Variants in ZFPM2 observed in about 807,000 individuals in gnomAD.
The protein encoded by ZFPM2 is zinc finger protein ZFPM2.
In ZFPM2, 20 loss-of-function variants were observed where a neutral mutation model predicts 98.6. The ratio of observed to expected loss-of-function variants is 0.20; its 90% CI spans 0.14 to 0.29. The LOEUF (loss-of-function observed/expected upper bound fraction) is 0.29, where lower values mean the gene tolerates loss of function less well. Ranked by LOEUF, ZFPM2 falls within the 10% of genes least tolerant of loss-of-function variation. ZFPM2 has a pLI of 1.00. For synonymous variants in ZFPM2, 518 were observed against 502.7 expected (o/e 1.03, Z -0.41); for missense variants, 1,310 against 1,388.6 (o/e 0.94, Z 0.90).
chr8:105,503,797 A>G (rs1461128833), intron 3 of ZFPM2, among the ~76,000 whole-genome samples: 2 of 152,228 alleles, frequency 1.3e-5, no homozygotes, highest in Non-Finnish European at 2.9e-5. Context: ...TATGTGGTAG[A>G]GGAGGAAAAG....
At chr8:105,349,356 G>C (rs572255633) in intron 1 of ZFPM2, among the ~76,000 whole-genome samples, 1 of 152,152 alleles carries the variant, frequency 6.6e-6, no homozygotes, top group Non-Finnish European at 1.5e-5. Flanking sequence ...GAGGGCCCGA[G>C]TAATGTGGTC....
chr8:105,694,439 C>A (rs528683171), intron 5 of ZFPM2, among the ~76,000 whole-genome samples: 1 of 152,098 alleles, frequency 6.6e-6, no homozygotes, highest in South Asian at 2.1e-4. Flanking sequence ...GCTAATTTTT[C>A]TTGAATCATT....
chr8:105,713,958 A>G lies in ZFPM2; in HGVS notation c.533-74760A>G, dbSNP rs202207635. Among the ~76,000 whole-genome samples the G allele has an allele frequency of 3.9e-5, 6 of 152,126 alleles. No homozygotes were observed. In the East Asian group the frequency reaches 1.2e-3, roughly 29 times the overall value. On this transcript the variant is annotated intron_variant, in intron 5 of 7. Coordinates refer to ENST00000407775, the MANE Select transcript of ZFPM2 (RefSeq NM_012082.4). ...TACTTGGGCTCCTTTTTGTTTCCATATGAACTTTCGAATAGTTTTTTTCTA... is the reference window on the plus strand; with the variant it reads ...TACTTGGGCTCCTTTTTGTTTCCATGTGAACTTTCGAATAGTTTTTTTCTA...
At chr8:105,588,465 A>G (rs966553529) in intron 4 of ZFPM2, among the ~76,000 whole-genome samples, 1 of 152,204 alleles carries the variant, frequency 6.6e-6, no homozygotes, top group Non-Finnish European at 1.5e-5. Context: ...TATCAAAATA[A>G]AAAAGCATTT....
At chr8:105,603,172 C>T (rs1186973100) in intron 4 of ZFPM2, among the ~76,000 whole-genome samples, 7 of 152,026 alleles carry the variant, frequency 4.6e-5, no homozygotes, top group African/African-American at 2.4e-5. Context: ...CAAAAGGTGC[C>T]TCAGCTTTGG....
chr8:105,707,296 A>C lies in ZFPM2; in HGVS notation c.532+72939A>C, dbSNP rs186056212. Among the ~76,000 whole-genome samples the C allele has an allele frequency of 3.9e-5, 6 of 152,148 alleles. No homozygotes were observed. In the East Asian group the frequency reaches 9.7e-4, roughly 24 times the overall value. On this transcript the variant is annotated intron_variant, in intron 5 of 7. Transcript: ENST00000407775. ...AGCATCATTATTTTTTCTTACCCCA[A>C]ATTCTCCTTCTACTTTATCAGGTGA...
chr8:105,561,074 A>C (rs980823021), intron 3 of ZFPM2, among the ~76,000 whole-genome samples: 1 of 152,068 alleles, frequency 6.6e-6, no homozygotes, highest in African/African-American at 2.4e-5. Context: ...TTTTTAAGGG[A>C]GTGTTACTGT....
At chr8:105,556,788 T>C (rs1315933264) in intron 3 of ZFPM2, among the ~76,000 whole-genome samples, 1 of 147,480 alleles carries the variant, frequency 6.8e-6, no homozygotes, top group African/African-American at 2.5e-5. Flanking sequence ...AGTGGTGCGA[T>C]CTTGGCTCAC....
At chr8:105,580,813 C>T (rs1439333372) in intron 4 of ZFPM2, among the ~76,000 whole-genome samples, 1 of 107,654 alleles carries the variant, frequency 9.3e-6, no homozygotes, top group African/African-American at 4.3e-5. Context: ...CTCTCTCTCT[C>T]TCTCTCTCTC....
intron 1 of ZFPM2, among the ~76,000 whole-genome samples, chr8:105,338,245 A>T (rs1812362863): frequency 6.6e-6 from 1 of 151,710 alleles, no homozygotes; most frequent in East Asian, 1.9e-4. Flanking sequence ...CTTCCTTCCA[A>T]ATAGGGAAAA....
At chr8:105,671,095 C>G (rs564723410) in intron 5 of ZFPM2, among the ~76,000 whole-genome samples, 19 of 151,956 alleles carry the variant, frequency 1.3e-4, no homozygotes, top group Non-Finnish European at 2.4e-4. Context: ...GTATTCATCT[C>G]TTTAAAACAG....
chr8:105,575,661 T>A (rs1216263188), intron 4 of ZFPM2, among the ~76,000 whole-genome samples: 3 of 152,088 alleles, frequency 2.0e-5, no homozygotes, highest in African/African-American at 7.2e-5. Context: ...TCAATCCAGG[T>A]CAAAAAGACA....
rs1814115743 is a variant in ZFPM2 at position 105,803,609 on chromosome 8, T to A, written c.*71T>A. ...GTTCTAACCAGTCCAGAAAAAAAAA[T>A]AAGCTGTTTGAATTACATCTGGGCA... On this transcript the variant is annotated 3_prime_UTR_variant, in exon 8 of 8. Coordinates refer to ENST00000407775, the MANE Select transcript of ZFPM2 (RefSeq NM_012082.4). 1.4e-6 allele frequency: 2 copies of A among 1,426,262 alleles called. No homozygotes were observed. The highest frequency in any genetic ancestry group is 2.5e-5 in the South Asian group (2 of 79,428). The allele number at this position is 1,426,262 out of a possible 1,614,324, so 88.4% of individuals were successfully genotyped here.
intron 5 of ZFPM2, among the ~76,000 whole-genome samples, chr8:105,728,784 G>T (rs1157698203): frequency 6.6e-6 from 1 of 151,726 alleles, no homozygotes; most frequent in Admixed American, 6.6e-5. Context: ...AGTGACAGTT[G>T]CACTATTAAA....
intron 5 of ZFPM2, among the ~76,000 whole-genome samples, chr8:105,645,637 G>C (rs983173238): frequency 1.3e-5 from 2 of 152,168 alleles, no homozygotes; most frequent in African/African-American, 2.4e-5. Context: ...ATTCTAACAG[G>C]CTGGGAAGCA....
intron 4 of ZFPM2, among the ~76,000 whole-genome samples, chr8:105,563,818 A>G (rs1427222017): frequency 4.6e-5 from 7 of 152,168 alleles, no homozygotes; most frequent in Admixed American, 4.6e-4. Context: ...ATCAGATACC[A>G]ATGCAACCTT....
intron 1 of ZFPM2, among the ~76,000 whole-genome samples, chr8:105,373,749 CTA>C (rs926602661): frequency 3.9e-5 from 6 of 152,042 alleles, no homozygotes; most frequent in African/African-American, 1.4e-4. Flanking sequence ...AAAATGGAAA[CTA>C]TGTTTTTTTA....
intron 4 of ZFPM2, among the ~76,000 whole-genome samples, chr8:105,592,801 C>T (rs1313317778): frequency 6.6e-6 from 1 of 152,090 alleles, no homozygotes; most frequent in Non-Finnish European, 1.5e-5. Context: ...AGAATTATCT[C>T]CCGCCTCACA....
chr8:105,477,287 T>C (rs1248704256), intron 3 of ZFPM2, among the ~76,000 whole-genome samples: 1 of 133,156 alleles, frequency 7.5e-6, no homozygotes, highest in Non-Finnish European at 1.6e-5. Context: ...CTCTATCACC[T>C]AGGCCAGAGT....
Sources: allele counts gnomAD v4.1 joint callset (sites outside exome capture counted in the v4.1 genomes callset), GRCh38; gene constraint gnomAD v4.1.1; transcripts MANE v1.5; gene names NCBI Gene and HGNC (gene_info 2026-07-23, HGNC 2026-07-21).